The following AGBL1 variants were observed in gnomAD, a reference collection of about 807,000 sequenced individuals.
AGBL1 encodes the protein AGBL carboxypeptidase 1, also known as cytosolic carboxypeptidase 4.
A neutral mutation model predicts 118.9 loss-of-function variants in AGBL1; 130 were observed. The ratio of observed to expected loss-of-function variants is 1.09; its 90% CI spans 0.95 to 1.26. The LOEUF is 1.26. Ranked by LOEUF, AGBL1 falls within the 50% of genes most tolerant of loss-of-function variation. AGBL1 has a pLI of 0.00. For missense variants in AGBL1, 1,584 were observed against 1,298.1 expected (o/e 1.22, Z -3.38); for synonymous variants, 555 against 478.9 (o/e 1.16, Z -2.08).
intron 17 of AGBL1, among the ~76,000 whole-genome samples, chr15:86,360,006 CT>C (rs918323642): frequency 1.2e-4 from 18 of 151,866 alleles, no homozygotes; most frequent in African/African-American, 4.3e-4. Flanking sequence ...TTTTTCCTTT[CT>C]GATTTGGATG....
intron 9 of AGBL1, 175 bp from the exon 10 acceptor site, chr15:86,262,603 T>C (rs1401152289): frequency 3.0e-6 from 2 of 676,300 alleles, no homozygotes; most frequent in East Asian, 2.8e-5. Flanking sequence ...TCTTTCTTTT[T>C]ATTTTAAAAA....
At chr15:86,677,858 A>G (rs571226456) in intron 22 of AGBL1, among the ~76,000 whole-genome samples, 1 of 152,210 alleles carries the variant, frequency 6.6e-6, no homozygotes, top group South Asian at 2.1e-4. Context: ...TAAAAGTATA[A>G]TTTTGTTCTT....
intron 16 of AGBL1, among the ~76,000 whole-genome samples, chr15:86,286,748 T>TATATATATATAA (rs1306818279): frequency 1.4e-5 from 2 of 146,144 alleles, no homozygotes; most frequent in Admixed American, 6.8e-5. Flanking sequence ...TATATATATA[T>TATATATATATAA]AAAACTCCAT....
intron 17 of AGBL1, among the ~76,000 whole-genome samples, chr15:86,318,978 C>T (rs530000343): frequency 3.2e-4 from 49 of 152,078 alleles, no homozygotes; most frequent in Non-Finnish European, 5.6e-4. Flanking sequence ...AGTCTTGCTA[C>T]CAGCAAGGAC....
chr15:86,779,802 A>C (rs1357695104), intron 22 of AGBL1, among the ~76,000 whole-genome samples: 1 of 151,940 alleles, frequency 6.6e-6, no homozygotes, highest in Non-Finnish European at 1.5e-5. Flanking sequence ...TTTATATTTT[A>C]TTAACCATTT....
At chr15:86,522,699 CAG>C in intron 18 of AGBL1, 109 bp from the exon 19 acceptor site, 1 of 1,344,384 alleles carries the variant, frequency 7.4e-7, no homozygotes, top group Non-Finnish European at 1.0e-6. Context: ...GGGAAGAAAT[CAG>C]AGGAAAGTTT....
rs999996833 is a variant in AGBL1 at position 86,534,122 on chromosome 15, A to G, written c.2685+11183A>G. On this transcript the variant is annotated intron_variant, in intron 19 of 22. Coordinates refer to ENST00000614907, the MANE Select transcript of AGBL1 (RefSeq NM_001386094.1). ...AAACTTAAAGTATAATAAAAAAAAA[A>G]AAAAAAAAAAAAGATTGTCCTTTTC... Among the ~76,000 whole-genome samples the G allele has an allele frequency of 8.8e-3, 1,327 of 150,632 alleles. 23 individuals are homozygous for G. The highest frequency in any genetic ancestry group is 0.03 in the African/African-American group (1,239 of 41,102).
At chr15:86,126,772 A>T (rs1416559154) in intron 1 of AGBL1, among the ~76,000 whole-genome samples, 2 of 152,200 alleles carry the variant, frequency 1.3e-5, no homozygotes, top group East Asian at 3.8e-4. Context: ...TTTTCTTCCA[A>T]ACTGCTTCCT....
At chr15:86,486,398 A>G (rs919041318) in intron 18 of AGBL1, among the ~76,000 whole-genome samples, 1 of 152,088 alleles carries the variant, frequency 6.6e-6, no homozygotes, top group Non-Finnish European at 1.5e-5. Context: ...ATCCCTACTT[A>G]GGCAAAAGTA....
At chr15:86,451,207 C>T (rs112722878) in intron 18 of AGBL1, among the ~76,000 whole-genome samples, 34,318 of 151,902 alleles carry the variant, frequency 0.23, 5,248 homozygotes, top group African/African-American at 0.44. Context: ...GTGTGACTTT[C>T]TCAGTACTTC....
chr15:86,407,854 C>T (rs1477756507), intron 18 of AGBL1, among the ~76,000 whole-genome samples: 1 of 152,032 alleles, frequency 6.6e-6, no homozygotes, highest in African/African-American at 2.4e-5. Flanking sequence ...GGAATGATTC[C>T]CTTTCCCATG....
intron 24 of AGBL1, among the ~76,000 whole-genome samples, chr15:87,026,360 C>T (rs1030896066): frequency 4.6e-5 from 7 of 151,624 alleles, no homozygotes; most frequent in East Asian, 1.9e-4. Flanking sequence ...AGACAATTCT[C>T]GAAGATATAC....
intron 22 of AGBL1, among the ~76,000 whole-genome samples, chr15:86,821,578 C>A (rs989821806): frequency 3.9e-5 from 6 of 152,020 alleles, no homozygotes; most frequent in Non-Finnish European, 8.8e-5. Context: ...ATTTGTGTAA[C>A]AGAACGGTAT....
intron 18 of AGBL1, among the ~76,000 whole-genome samples, chr15:86,469,006 A>G (rs1018805810): frequency 2.8e-4 from 42 of 152,198 alleles, no homozygotes; most frequent in Non-Finnish European, 5.9e-5. Context: ...AGATATATAT[A>G]TTCATTGTGA....
rs61365024 is a variant in AGBL1 at position 86,262,078 on chromosome 15, CT to C, written c.970-684del. ...CACTGCTAGGCCTATGCATAGCTGG[CT>C]TTTTTTTTTTTTTTTGCCATTTAGG... On this transcript the variant is annotated intron_variant, in intron 9 of 22. Transcript: ENST00000614907. Among the ~76,000 whole-genome samples, 41 of 52,768 alleles carry C rather than the reference CT, an allele frequency of 7.8e-4. 7 individuals are homozygous for C. The highest frequency in any genetic ancestry group is 1.9e-3 in the African/African-American group (31 of 16,468). 34.6% of individuals were successfully genotyped at this position (52,768 alleles called of 152,430 possible).
At chr15:86,287,577 A>G (rs2079474367) in intron 16 of AGBL1, among the ~76,000 whole-genome samples, 1 of 152,132 alleles carries the variant, frequency 6.6e-6, no homozygotes, top group Non-Finnish European at 1.5e-5. Context: ...CAGTTTTCCC[A>G]ACACCATTTA....
intron 18 of AGBL1, among the ~76,000 whole-genome samples, chr15:86,487,772 T>C (rs2082731276): frequency 6.6e-6 from 1 of 152,082 alleles, no homozygotes; most frequent in Non-Finnish European, 1.5e-5. Flanking sequence ...AATATTGAAT[T>C]CATATTTTCT....
chr15:86,319,253 T>G (rs535744542), intron 17 of AGBL1, among the ~76,000 whole-genome samples: 59 of 152,306 alleles, frequency 3.9e-4, no homozygotes, highest in African/African-American at 1.4e-3. Context: ...AATACTGCAC[T>G]GGTTTCTGAA....
intron 18 of AGBL1, among the ~76,000 whole-genome samples, chr15:86,448,635 G>T (rs986301876): frequency 3.9e-5 from 6 of 152,180 alleles, no homozygotes; most frequent in African/African-American, 9.7e-5. Context: ...AGAAAGGAAG[G>T]TCCCTCAAGT....
Sources: allele counts gnomAD v4.1 joint callset (sites outside exome capture counted in the v4.1 genomes callset), GRCh38; gene constraint gnomAD v4.1.1; transcripts MANE v1.5; gene names NCBI Gene and HGNC (gene_info 2026-07-23, HGNC 2026-07-21).